The following FGFRL1 variants were observed in gnomAD, a reference collection of about 807,000 sequenced individuals.
FGFRL1 encodes the protein fibroblast growth factor receptor like 1.
In FGFRL1, 24 loss-of-function variants were observed where a neutral mutation model predicts 36.8. That is an observed-to-expected ratio of 0.65 (90% CI 0.47 to 0.92). FGFRL1 has a LOEUF of 0.92. Among genes scored for constraint, FGFRL1 ranks in the 40% least tolerant of loss-of-function variants. The pLI, the probability that FGFRL1 is intolerant of heterozygous loss-of-function variation, is 0.00. For missense variants in FGFRL1, 785 were observed against 753.4 expected (o/e 1.04, Z -0.49); for synonymous variants, 422 against 344.1 (o/e 1.23, Z -2.50).
rs62294559 is a variant in FGFRL1, at chr4:1,018,999, C to T, written c.80-3204C>T. On this transcript the variant is annotated intron_variant, in intron 2 of 6. Transcript: ENST00000510644. ...GCCCGTGCCTACAGCGCTTGCAGGC[C>T]GGCCCTGGGGGCCACGCTTCCGGCC... Among the ~76,000 whole-genome samples, 323 of 152,286 alleles carry T rather than the reference C, an allele frequency of 2.1e-3. 1 individual carries two copies. The highest frequency in any genetic ancestry group is 3.9e-3 in the Non-Finnish European group (262 of 68,000).
chr4:1,018,396 C>G (rs1459172349), intron 2 of FGFRL1, among the ~76,000 whole-genome samples: 2 of 152,172 alleles, frequency 1.3e-5, no homozygotes, highest in East Asian at 3.9e-4. Context: ...CATCCGCCTT[C>G]TTGGCGCACT....
chr4:1,013,239 G>A lies in FGFRL1; in HGVS notation c.79+675G>A, dbSNP rs886172464. 2.6e-5 allele frequency among the ~76,000 whole-genome samples: 4 copies of A among 152,380 alleles called. No homozygotes were observed. The South Asian group carries it at 6.2e-4, about 24-fold the overall frequency. On this transcript the variant is annotated intron_variant, in intron 2 of 6. Coordinates refer to ENST00000510644, the MANE Select transcript of FGFRL1 (RefSeq NM_001004356.3). ...AGCCATGCCCTGGGACCCAGCCCCA[G>A]CAAGGACATCCGGAGCCGATGGGTG...
intron 2 of FGFRL1, among the ~76,000 whole-genome samples, chr4:1,020,339 G>A (rs1039143599): frequency 7.2e-5 from 11 of 152,126 alleles, no homozygotes; most frequent in African/African-American, 1.9e-4. Context: ...GGGTGCCTGC[G>A]GCCGCCTCTC....
Position 1,024,545 on chromosome 4 carries a change from C to T in FGFRL1, c.953C>T (p.Ser318Phe). ...TGDVWSRPDG[S>F]YLNKLLITRA... ...GACGTGTGGTCGCGGCCCGACGGCT[C>T]CTACCTCAATAAGCTGCTCATCACC... is the stretch of plus-strand genomic sequence containing the variant. Residue 318 changes from serine (S) to phenylalanine (F), a missense_variant, in exon 6 of 7, where the codon TCC (serine) becomes TTC (phenylalanine). Physicochemically the swap from Ser to Phe is radical, Grantham distance 155 (BLOSUM62 -2). Transcript: ENST00000510644. The T allele has an allele frequency of 1.2e-6, 2 of 1,612,492 alleles. No homozygotes were observed. The highest frequency in any genetic ancestry group is 1.7e-4 in the Middle Eastern group (1 of 6,060).
intron 2 of FGFRL1, among the ~76,000 whole-genome samples, chr4:1,019,296 C>G (rs1272349499): frequency 1.3e-5 from 2 of 152,242 alleles, no homozygotes; most frequent in African/African-American, 2.4e-5. Flanking sequence ...CAGGCACTCG[C>G]TCTCTTGCTT....
At position 1,026,892 on chromosome 4, in the gene FGFRL1, C is replaced by G; in HGVS notation, c.*1545C>G. ...TGTTAAACATGAAAGTGCATCCTTTCCCTCCAGGCTGGTGTTTCTGCCCAT... is the reference window on the plus strand; with the variant it reads ...TGTTAAACATGAAAGTGCATCCTTTGCCTCCAGGCTGGTGTTTCTGCCCAT... On this transcript the variant is annotated 3_prime_UTR_variant, in exon 7 of 7. Coordinates refer to ENST00000510644, the MANE Select transcript of FGFRL1 (RefSeq NM_001004356.3). The G allele has an allele frequency of 6.7e-6, 3 of 448,740 alleles. No individual in the cohort carries two copies. Among genetic ancestry groups the G allele is most frequent in the East Asian group, 7.0e-5 (1 of 14,264 alleles). The allele number at this position is 448,740 out of a possible 1,614,324, so 27.8% of individuals were successfully genotyped here.
rs1295254434 is a variant in FGFRL1, at chr4:1,025,167, G to A, written c.1335G>A (p.Gly445=). 1.7e-5 allele frequency: 27 copies of A among 1,610,322 alleles called. No individual in the cohort carries two copies. Among genetic ancestry groups the A allele is most frequent in the Non-Finnish European group, 2.1e-5 (25 of 1,178,978 alleles). The change falls in exon 7 of 7, where the codon GGG becomes GGA. Residue 445 remains glycine, a synonymous_variant. Transcript: ENST00000510644. ...LAALSAGPGV[G]LCEEHGSPAA... ...CCCTCAGCGCTGGCCCTGGTGTGGGGCTGTGTGAGGAGCATGGGTCTCCGG... is the reference window on the plus strand; with the variant it reads ...CCCTCAGCGCTGGCCCTGGTGTGGGACTGTGTGAGGAGCATGGGTCTCCGG...
chr4:1,017,686 C>T (rs1047452829), intron 2 of FGFRL1, among the ~76,000 whole-genome samples: 1 of 152,202 alleles, frequency 6.6e-6, no homozygotes, highest in East Asian at 1.9e-4. Flanking sequence ...CTCGTGTCTT[C>T]TCCCAACAGA....
chr4:1,016,583 G>T (rs1715898300), intron 2 of FGFRL1, among the ~76,000 whole-genome samples: 1 of 152,140 alleles, frequency 6.6e-6, no homozygotes, highest in South Asian at 2.1e-4. Flanking sequence ...GGGCAGCATG[G>T]TGGGCCACAT....
Position 1,022,372 on chromosome 4 carries a change from G to A in FGFRL1, c.249G>A (p.Gly83=), listed in dbSNP as rs781415322. The change falls in exon 3 of 7, where the codon GGG becomes GGA. Residue 83 remains glycine, a synonymous_variant. Coordinates refer to ENST00000510644, the MANE Select transcript of FGFRL1 (RefSeq NM_001004356.3). ...GCCGCTTCCGCGTGCTGCCGCAGGGGCTGAAGGTGAAGCAGGTGGAGCGGG... is the reference window on the plus strand; with the variant it reads ...GCCGCTTCCGCGTGCTGCCGCAGGGACTGAAGGTGAAGCAGGTGGAGCGGG... ...GWSRFRVLPQ[G]LKVKQVERED... is the part of the protein sequence containing the mutation. The A allele has an allele frequency of 1.2e-6, 2 of 1,610,538 alleles. No homozygotes were observed. Among genetic ancestry groups the A allele is most frequent in the African/African-American group, 1.3e-5 (1 of 74,910 alleles).
At position 1,025,356 on chromosome 4, in the gene FGFRL1, G is replaced by A. The variant is rs372960046; in HGVS notation, c.*9G>A. The A allele has an allele frequency of 9.3e-5, 143 of 1,535,630 alleles. No individual in the cohort carries two copies. The African/African-American group carries it at 1.6e-3, about 17-fold the overall frequency. On this transcript the variant is annotated 3_prime_UTR_variant, in exon 7 of 7. Transcript: ENST00000510644. ...TCCACTATCAGTGCTAGACGGCACC[G>A]TATCTGCAGTGGGCACGGGGGGGCC...
At chr4:1,010,980 G>C (rs1715546146), upstream of FGFRL1, 1 of 152,266 alleles carries the variant, frequency 6.6e-6, no homozygotes, top group African/African-American at 2.4e-5. Flanking sequence ...AAGGCACCAG[G>C]TAACCCGAAC....
chr4:1,016,005 C>T (rs775229272), intron 2 of FGFRL1, among the ~76,000 whole-genome samples: 14 of 152,218 alleles, frequency 9.2e-5, no homozygotes, highest in Non-Finnish European at 1.2e-4. Context: ...CCTGCAGGGG[C>T]CTGGGGAGCT....
intron 2 of FGFRL1, among the ~76,000 whole-genome samples, chr4:1,021,590 T>C (rs913673230): frequency 1.3e-5 from 2 of 152,150 alleles, no homozygotes; most frequent in Non-Finnish European, 2.9e-5. Context: ...CTGCACAGAC[T>C]CTCATCCACA....
chr4:1,025,495 C>G lies in FGFRL1; in HGVS notation c.*148C>G. 5 of 896,600 alleles carry G rather than the reference C, an allele frequency of 5.6e-6. No homozygotes were observed. The highest frequency in any genetic ancestry group is 2.4e-4 in the Middle Eastern group (1 of 4,100). 55.5% of individuals were successfully genotyped at this position (896,600 alleles called of 1,614,324 possible). A position where few individuals can be genotyped will look rare whatever the true frequency, so the allele number is the denominator to read the frequency against. ...GCAGTCTGTGTGTGAGGCATAGCCC[C>G]TGGACACACACACACAGACACACAC... On this transcript the variant is annotated 3_prime_UTR_variant, in exon 7 of 7. Transcript: ENST00000510644.
chr4:1,024,031 C>A lies in FGFRL1; in HGVS notation c.648C>A (p.Ser216Arg). ...TGAAGAACCTGCGGCCGGAGGACAGCGGCAAATACACCTGCCGCGTGTCGA... is the reference window on the plus strand; with the variant it reads ...TGAAGAACCTGCGGCCGGAGGACAGAGGCAAATACACCTGCCGCGTGTCGA... ...LSLKNLRPED[S>R]GKYTCRVSNR... Residue 216 changes from serine to arginine, a missense_variant, in exon 5 of 7, where the codon AGC (serine) becomes AGA (arginine). Transcript: ENST00000510644. The A allele has an allele frequency of 6.2e-7, 1 of 1,607,356 alleles. No individual in the cohort carries two copies. The highest frequency in any genetic ancestry group is 8.5e-7 in the Non-Finnish European group (1 of 1,178,640).
rs540991862 is a variant in FGFRL1, at chr4:1,024,384, G to A, written c.792G>A (p.Thr264=). 58 of 1,612,522 alleles carry A rather than the reference G, an allele frequency of 3.6e-5. No homozygotes were observed. In the East Asian group the frequency reaches 1.0e-3, roughly 28 times the overall value. The change falls in exon 6 of 7, where the codon ACG becomes ACA. Residue 264 remains threonine, a synonymous_variant. Transcript: ENST00000510644. The stretch of plus-strand genomic sequence containing the variant: ...CGACGGTGGACTTCGGGGGGACCAC[G>A]TCCTTCCAGTGCAAGGTGCGCAGCG... ...VNTTVDFGGT[T]SFQCKVRSDV...
chr4:1,013,725 C>T (rs938868409), intron 2 of FGFRL1, among the ~76,000 whole-genome samples: 5 of 152,272 alleles, frequency 3.3e-5, no homozygotes, highest in Admixed American at 3.3e-4. Context: ...GCCACTCGGC[C>T]AGGGAGGCTC....
chr4:1,018,254 T>G (rs1219393878), intron 2 of FGFRL1, among the ~76,000 whole-genome samples: 2 of 151,794 alleles, frequency 1.3e-5, no homozygotes, highest in East Asian at 3.9e-4. Flanking sequence ...GGACAGTGTG[T>G]GTGTGACAAA....
Sources: allele counts gnomAD v4.1 joint callset (sites outside exome capture counted in the v4.1 genomes callset), GRCh38; gene constraint gnomAD v4.1.1; transcripts MANE v1.5; gene names NCBI Gene and HGNC (gene_info 2026-07-23, HGNC 2026-07-21).